ROR1: variants seen among roughly 807,000 people sequenced by gnomAD.
ROR1 encodes ROR family WNT receptor 1.
In ROR1, 19 loss-of-function variants were observed where a neutral mutation model predicts 78.8. The observed-to-expected ratio is 0.24, with a 90% confidence interval of 0.17 to 0.35. The LOEUF (loss-of-function observed/expected upper bound fraction) is 0.35. Among genes scored for constraint, ROR1 ranks in the 10% least tolerant of loss-of-function variants. The pLI, the probability that ROR1 is intolerant of heterozygous loss-of-function variation, is 1.00. For missense variants in ROR1, 917 were observed against 1,177.8 expected (o/e 0.78, Z 3.24); for synonymous variants, 386 against 433.6 (o/e 0.89, Z 1.36).
chr1:63,883,674 A>G (rs1049138048), intron 1 of ROR1, among the ~76,000 whole-genome samples: 2 of 151,734 alleles, frequency 1.3e-5, no homozygotes, highest in Admixed American at 6.6e-5. Flanking sequence ...GCCATTGGTG[A>G]CTCTCCATAA....
intron 1 of ROR1, among the ~76,000 whole-genome samples, chr1:63,825,227 G>C (rs1644946452): frequency 6.6e-6 from 1 of 152,132 alleles, no homozygotes; most frequent in Non-Finnish European, 1.5e-5. Flanking sequence ...TAGGTATGCA[G>C]ATATTCAAAG....
At chr1:63,790,457 C>T (rs577807081) in intron 1 of ROR1, among the ~76,000 whole-genome samples, 3 of 152,348 alleles carry the variant, frequency 2.0e-5, no homozygotes, top group Middle Eastern at 6.8e-3. Flanking sequence ...GTTCTGTTTG[C>T]AGGAGAGCAA....
At chr1:64,068,591 A>C in intron 4 of ROR1, among the ~76,000 whole-genome samples, 1 of 152,212 alleles carries the variant, frequency 6.6e-6, no homozygotes, top group South Asian at 2.1e-4. Context: ...TAATTTATAA[A>C]GTCTGTCTCA....
intron 6 of ROR1, among the ~76,000 whole-genome samples, chr1:64,141,919 A>G (rs1649328888): frequency 6.6e-6 from 1 of 152,142 alleles, no homozygotes; most frequent in South Asian, 2.1e-4. Context: ...CCCCATCAGC[A>G]CAGAGATAGC....
At chr1:63,936,420 G>A (rs1188940132) in intron 1 of ROR1, among the ~76,000 whole-genome samples, 1 of 152,120 alleles carries the variant, frequency 6.6e-6, no homozygotes, top group African/African-American at 2.4e-5. Context: ...CATGCTTTGG[G>A]GGGAATAATG....
At chr1:64,154,684 C>A (rs1464642263) in intron 7 of ROR1, among the ~76,000 whole-genome samples, 6 of 152,036 alleles carry the variant, frequency 3.9e-5, no homozygotes, top group African/African-American at 1.2e-4. Flanking sequence ...AACTGTGATA[C>A]CAAATTGTTT....
At chr1:63,986,428 G>A (rs1295876312) in intron 1 of ROR1, among the ~76,000 whole-genome samples, 1 of 152,204 alleles carries the variant, frequency 6.6e-6, no homozygotes, top group Non-Finnish European at 1.5e-5. Context: ...GGCATCCCAA[G>A]AAAGAGAATC....
rs143094208 is a variant in ROR1, at chr1:64,055,887, T to G, written c.482+5171T>G. Among the ~76,000 whole-genome samples the G allele has an allele frequency of 1.1e-4, 17 of 152,324 alleles. No homozygotes were observed. The East Asian group carries it at 3.3e-3, about 29-fold the overall frequency. On this transcript the variant is annotated intron_variant, in intron 4 of 8. Transcript: ENST00000371079. ...GCTTCTAATTTACTTCCTATCCCTA[T>G]GAATTTGCCTATTCTAGACATTTCA...
At chr1:63,906,910 A>G (rs1645533932) in intron 1 of ROR1, among the ~76,000 whole-genome samples, 1 of 152,216 alleles carries the variant, frequency 6.6e-6, no homozygotes, top group East Asian at 1.9e-4. Context: ...AGCAAAGTGA[A>G]TGCTTCAATA....
intron 1 of ROR1, among the ~76,000 whole-genome samples, chr1:63,791,629 T>C (rs1644727538): frequency 6.6e-6 from 1 of 152,084 alleles, no homozygotes; most frequent in African/African-American, 2.4e-5. Flanking sequence ...TGCTAATCGA[T>C]GGGCATGGTG....
chr1:64,128,161 A>G (rs1020369697), intron 4 of ROR1, among the ~76,000 whole-genome samples: 3 of 151,932 alleles, frequency 2.0e-5, no homozygotes, highest in Non-Finnish European at 4.4e-5. Flanking sequence ...AGCAAAACTA[A>G]ATGCATGGGG....
intron 1 of ROR1, among the ~76,000 whole-genome samples, chr1:63,921,604 C>T (rs973072300): frequency 4.9e-5 from 7 of 143,416 alleles, no homozygotes; most frequent in African/African-American, 1.3e-4. Flanking sequence ...AATGCTAACA[C>T]ACCTTAAAGT....
At chr1:63,923,400 G>A (rs1191484857) in intron 1 of ROR1, among the ~76,000 whole-genome samples, 2 of 152,078 alleles carry the variant, frequency 1.3e-5, no homozygotes, top group Non-Finnish European at 2.9e-5. Flanking sequence ...TCCGTTCTCT[G>A]AGTTGTGAGG....
chr1:64,039,359 T>C (rs1207067605), intron 2 of ROR1, among the ~76,000 whole-genome samples: 1 of 152,160 alleles, frequency 6.6e-6, no homozygotes, highest in Non-Finnish European at 1.5e-5. Flanking sequence ...AATACTGAGA[T>C]TGTATGACTT....
At chr1:63,797,953 A>G (rs777830340) in intron 1 of ROR1, among the ~76,000 whole-genome samples, 1 of 151,656 alleles carries the variant, frequency 6.6e-6, no homozygotes, top group African/African-American at 2.4e-5. Context: ...CCACATAATC[A>G]TTGGAAGCCA....
intron 1 of ROR1, among the ~76,000 whole-genome samples, chr1:63,998,287 G>GT (rs773029796): frequency 0.052 from 7,483 of 144,154 alleles, 268 homozygotes; most frequent in African/African-American, 0.1. Context: ...GTAATTTAAG[G>GT]TTTTTTTTTT....
At chr1:64,006,001 G>A (rs1646424414) in intron 1 of ROR1, among the ~76,000 whole-genome samples, 1 of 152,158 alleles carries the variant, frequency 6.6e-6, no homozygotes, top group Admixed American at 6.5e-5. Context: ...GTGGTAATTA[G>A]TGTCCAGGGA....
chr1:64,091,911 G>A (rs1469801583), intron 4 of ROR1, among the ~76,000 whole-genome samples: 1 of 152,160 alleles, frequency 6.6e-6, no homozygotes, highest in African/African-American at 2.4e-5. Context: ...CAGATCAAGG[G>A]ATGGATGGGG....
At chr1:63,971,488 G>A (rs908310858) in intron 1 of ROR1, among the ~76,000 whole-genome samples, 2 of 152,088 alleles carry the variant, frequency 1.3e-5, no homozygotes, top group Admixed American at 6.6e-5. Context: ...TACCAGGTTA[G>A]CTCAACTACT....
Sources: gnomAD v4.1 joint callset for allele counts (sites outside exome capture counted in the v4.1 genomes callset) on GRCh38, gnomAD v4.1.1 for gene constraint, MANE v1.5 for transcripts, NCBI Gene and HGNC (gene_info 2026-07-23, HGNC 2026-07-21) for gene names.